Variants in C14orf39 observed in about 807,000 individuals in gnomAD.
C14orf39 encodes the protein protein SIX6OS1.
C14orf39 carries 66 observed loss-of-function variants against 85.6 expected under a neutral mutation model. That is an observed-to-expected ratio of 0.77 (90% CI 0.63 to 0.95). The LOEUF is 0.95. Ranked by LOEUF, C14orf39 falls within the 40% of genes least tolerant of loss-of-function variation. The pLI is 0.00. For synonymous variants in C14orf39, 242 were observed against 214.0 expected (o/e 1.13, Z -1.14); for missense variants, 735 against 663.9 (o/e 1.11, Z -1.18).
intron 7 of C14orf39, 29 bp from the exon 8 acceptor site, chr14:60,469,682 A>T (rs1891976937): frequency 1.0e-6 from 1 of 954,278 alleles, no homozygotes; most frequent in Non-Finnish European, 1.5e-6. Flanking sequence ...TATGTCATAT[A>T]AGTAAATTTT....
chr14:60,466,107 T>G (rs1348690133), intron 10 of C14orf39, 52 bp from the exon 11 acceptor site: 2 of 827,262 alleles, frequency 2.4e-6, no homozygotes, highest in Non-Finnish European at 3.6e-6. Context: ...CAGAATCAAG[T>G]ATCTTCCCCA....
chr14:60,473,591 G>A (rs1181796746), intron 5 of C14orf39, among the ~76,000 whole-genome samples: 2 of 152,198 alleles, frequency 1.3e-5, no homozygotes, highest in Non-Finnish European at 2.9e-5. Flanking sequence ...AAGGCGTAAG[G>A]AAGGGATCCA....
At chr14:60,481,841 A>G (rs938722022) in intron 4 of C14orf39, among the ~76,000 whole-genome samples, 9 of 151,996 alleles carry the variant, frequency 5.9e-5, no homozygotes, top group African/African-American at 2.2e-4. Context: ...CAAGTACTTT[A>G]TGTTTTTAAA....
chr14:60,467,941 T>C (rs2140110805), intron 9 of C14orf39, among the ~76,000 whole-genome samples: 1 of 147,200 alleles, frequency 6.8e-6, no homozygotes. Flanking sequence ...GTCCATCTAT[T>C]TTTTTTTTTG....
In C14orf39 at chr14:60,441,426, A is replaced by C. The variant is rs187742006; in HGVS notation, c.1561+648T>G. Among the ~76,000 whole-genome samples, 2 of 152,274 alleles carry C rather than the reference A, an allele frequency of 1.3e-5. 1 individual carries two copies. Among genetic ancestry groups the C allele is most frequent in the East Asian group, 3.9e-4 (2 of 5,186 alleles). On this transcript the variant is annotated intron_variant, in intron 17 of 17. Coordinates refer to ENST00000321731, the MANE Select transcript of C14orf39 (RefSeq NM_174978.3). Reference sequence around the variant, plus strand: ...GATGCTGTACCTACCATTATCTCTTATCTTGTATCATTCTACAACATAAAG... The same window carrying C: ...GATGCTGTACCTACCATTATCTCTTCTCTTGTATCATTCTACAACATAAAG...
intron 16 of C14orf39, among the ~76,000 whole-genome samples, chr14:60,444,161 C>T (rs1027049368): frequency 1.3e-5 from 2 of 152,178 alleles, no homozygotes; most frequent in African/African-American, 4.8e-5. Context: ...ATTGCTGCTC[C>T]TTGCCAGCAA....
chr14:60,492,654 G>A (rs1038076199), intron 2 of C14orf39, among the ~76,000 whole-genome samples: 1 of 151,912 alleles, frequency 6.6e-6, no homozygotes, highest in Admixed American at 6.6e-5. Context: ...GTGCTGGTAT[G>A]TGCCTGTAGT....
chr14:60,468,711 C>T (rs1054210926), intron 8 of C14orf39, among the ~76,000 whole-genome samples, 175 bp from the exon 9 acceptor site: 1 of 151,540 alleles, frequency 6.6e-6, no homozygotes, highest in Non-Finnish European at 1.5e-5. Context: ...AAATCACACC[C>T]GTTTAACTTT....
Position 60,473,045 on chromosome 14 carries a change from C to T in C14orf39, c.324-1306G>A, listed in dbSNP as rs1013784470. On this transcript the variant is annotated intron_variant, in intron 5 of 17. Transcript: ENST00000321731. ...AACAGTGTAAAAGTGTTCCTATTTC[C>T]CCACATCCTCTCCAGCACCTGTTGT... 3.4e-4 allele frequency among the ~76,000 whole-genome samples: 52 copies of T among 151,984 alleles called. 2 individuals are homozygous for T. The Middle Eastern group carries it at 0.024, about 70-fold the overall frequency.
chr14:60,496,151 C>A, intron 2 of C14orf39: 1 of 483,974 alleles, frequency 2.1e-6, no homozygotes, highest in South Asian at 1.5e-5. Flanking sequence ...TGTCCAAGTT[C>A]TATAGAGTAT....
At position 60,500,347 on chromosome 14, in the gene C14orf39, G is replaced by C. The variant is rs1001399617; in HGVS notation, c.-143-917C>G. On this transcript the variant is annotated intron_variant, in intron 1 of 5. Coordinates refer to the C14orf39 transcript ENST00000556799. ...TGGCTGGGAATGACACTCTTATACA[G>C]AGTGGGTAGAAGTAAAAATTGGTAA... 8.5e-5 allele frequency among the ~76,000 whole-genome samples: 13 copies of C among 152,326 alleles called. No homozygotes were observed. In the East Asian group the frequency reaches 2.5e-3, roughly 29 times the overall value.
At chr14:60,468,398 G>T in intron 9 of C14orf39, 47 bp downstream of exon 9, 2 of 1,198,470 alleles carry the variant, frequency 1.7e-6, no homozygotes, top group Admixed American at 2.3e-5. Context: ...ACTTTTAGAT[G>T]CAAAATATCT....
rs901866070 is a variant in C14orf39, at chr14:60,515,227, G to A, written c.-144+168C>T. On this transcript the variant is annotated intron_variant, in intron 1 of 5. Transcript: ENST00000556799. The surrounding 1 kb of genome is among the most constrained non-coding windows in gnomAD (Gnocchi z 6.2). ...TGGCGGCTGGAGCGGCGGGCGCGTGGGTCCCCTCGGGGAGGCGCCCCAAGC... is the reference window on the plus strand; with the variant it reads ...TGGCGGCTGGAGCGGCGGGCGCGTGAGTCCCCTCGGGGAGGCGCCCCAAGC... 1.5e-4 allele frequency: 22 copies of A among 151,506 alleles called. No individual in the cohort carries two copies. Among genetic ancestry groups the A allele is most frequent in the Admixed American group, 5.9e-4 (9 of 15,274 alleles). 9.4% of individuals were successfully genotyped at this position (151,506 alleles called of 1,614,324 possible). A position where few individuals can be genotyped will look rare whatever the true frequency, so the allele number is the denominator to read the frequency against.
intron 5 of C14orf39, among the ~76,000 whole-genome samples, chr14:60,475,378 TTTC>T (rs1391576054): frequency 6.6e-6 from 1 of 152,148 alleles, no homozygotes; most frequent in Non-Finnish European, 1.5e-5. Context: ...ATAACCTTTT[TTTC>T]TTATTTGACC....
chr14:60,474,829 G>T (rs1253145298), intron 5 of C14orf39, among the ~76,000 whole-genome samples: 3 of 151,938 alleles, frequency 2.0e-5, no homozygotes, highest in Non-Finnish European at 4.4e-5. Context: ...ATTTTTGCAG[G>T]GATGTTCATC....
intron 17 of C14orf39, among the ~76,000 whole-genome samples, chr14:60,439,811 C>T (rs548048030): frequency 3.3e-5 from 5 of 152,286 alleles, no homozygotes; most frequent in Non-Finnish European, 7.4e-5. Context: ...CGGTGGCTCA[C>T]GCCTGTGATC....
intron 9 of C14orf39, among the ~76,000 whole-genome samples, chr14:60,467,657 T>C (rs1277270550): frequency 1.3e-5 from 2 of 151,844 alleles, no homozygotes; most frequent in Non-Finnish European, 2.9e-5. Context: ...ACCTATTTTT[T>C]CAATTAACTT....
chr14:60,487,377 A>G (rs1215932501), upstream of C14orf39, among the ~76,000 whole-genome samples: 1 of 152,008 alleles, frequency 6.6e-6, no homozygotes, highest in East Asian at 1.9e-4. Flanking sequence ...GTCATATAGT[A>G]TTTGTCTTTC....
At chr14:60,458,823 A>G in intron 13 of C14orf39, 84 bp from the exon 14 acceptor site, 1 of 1,163,082 alleles carries the variant, frequency 8.6e-7, no homozygotes, top group East Asian at 2.4e-5. Context: ...GAAATTGCTA[A>G]TATTTAGCTG....
Sources: allele counts gnomAD v4.1 joint callset (sites outside exome capture counted in the v4.1 genomes callset), GRCh38; gene constraint gnomAD v4.1.1; non-coding constraint Gnocchi (gnomAD v3.1); transcripts MANE v1.5; gene names NCBI Gene and HGNC (gene_info 2026-07-23, HGNC 2026-07-21).